The following KRABD4 variants were observed in gnomAD, a reference collection of about 807,000 sequenced individuals.
KRABD4 encodes KRAB domain-containing protein 4.
At chrX:46,461,873 G>A in the KRABD4 span, among the ~76,000 whole-genome samples, 2,271 of 110,929 alleles carry the variant, frequency 0.02, 58 homozygotes, top group African/African-American at 0.069. Context: ...TGGACCACCC[G>A]GACCCCTTCC....
the KRABD4 span, chrX:46,448,499 C>T: frequency 8.8e-6 from 1 of 113,272 alleles, no homozygotes; most frequent in African/African-American, 3.2e-5. Flanking sequence ...AAAGGAGGCT[C>T]ACAGGATAGC....
the KRABD4 span, among the ~76,000 whole-genome samples, chrX:46,470,820 T>C: frequency 9.0e-6 from 1 of 111,317 alleles, no homozygotes; most frequent in Admixed American, 9.7e-5. Context: ...TATTTGGGGT[T>C]TTCCAAGTAT....
the KRABD4 span, among the ~76,000 whole-genome samples, chrX:46,451,985 C>T: frequency 8.9e-6 from 1 of 111,902 alleles, no homozygotes; most frequent in African/African-American, 3.3e-5. Flanking sequence ...TGGCTCTATC[C>T]CCCAGGCTGA....
chrX:46,473,339 A>T, the KRABD4 span: 31 of 1,172,526 alleles, frequency 2.6e-5, no homozygotes, highest in East Asian at 9.2e-5. Context: ...AAGCCCTATG[A>T]ATGCAGTGAA....
chrX:46,450,795 C>T, the KRABD4 span, among the ~76,000 whole-genome samples: 3 of 105,882 alleles, frequency 2.8e-5, no homozygotes, highest in Admixed American at 1.0e-4. Flanking sequence ...CTCCACCTTC[C>T]GGGTTCAAGC....
the KRABD4 span, chrX:46,473,648 A>G: frequency 2.3e-5 from 6 of 259,440 alleles, no homozygotes; most frequent in Admixed American, 3.1e-4. Flanking sequence ...GATGCAAATC[A>G]GTGAATCTTT....
the KRABD4 span, among the ~76,000 whole-genome samples, chrX:46,451,925 T>C: frequency 0.03 from 3,323 of 112,385 alleles, 111 homozygotes; most frequent in African/African-American, 0.1. Flanking sequence ...ACAAAAGCTT[T>C]GTTCAGCAAA....
At chrX:46,462,668 A>G in the KRABD4 span, 8 of 1,202,877 alleles carry the variant, frequency 6.7e-6, no homozygotes, top group Non-Finnish European at 9.0e-6. Flanking sequence ...GCACAGAGTA[A>G]GCCCTCCGTG....
the KRABD4 span, among the ~76,000 whole-genome samples, chrX:46,457,633 T>G: frequency 3.7e-5 from 4 of 108,432 alleles, no homozygotes; most frequent in African/African-American, 1.0e-4. Flanking sequence ...GTTTTTTTTT[T>G]TTTTTTTTTT....
the KRABD4 span, chrX:46,463,051 G>C: frequency 1.0e-6 from 1 of 975,235 alleles, no homozygotes; most frequent in Non-Finnish European, 1.4e-6. Flanking sequence ...GAGCATATTG[G>C]TGCCCTTGCT....
chrX:46,462,586 C>A, the KRABD4 span: 1 of 895,738 alleles, frequency 1.1e-6, no homozygotes, highest in Non-Finnish European at 1.6e-6. Context: ...TCATTCCTGG[C>A]TGTGTGACCT....
At chrX:46,456,890 G>GAAAGA in the KRABD4 span, 1 of 357,250 alleles carries the variant, frequency 2.8e-6, no homozygotes, top group Non-Finnish European at 4.7e-6. Flanking sequence ...TGTGAAGTAA[G>GAAAGA]TCATCTTTCT....
the KRABD4 span, among the ~76,000 whole-genome samples, chrX:46,464,134 A>C: frequency 9.0e-6 from 1 of 110,795 alleles, no homozygotes; most frequent in Non-Finnish European, 1.9e-5. Context: ...TCCTGCATAG[A>C]ACTGCTTTTT....
At chrX:46,455,197 T>A in the KRABD4 span, 1 of 1,088,303 alleles carries the variant, frequency 9.2e-7, no homozygotes, top group Non-Finnish European at 1.2e-6. Context: ...CCTTTCTGCC[T>A]CTGAAGCTTT....
the KRABD4 span, chrX:46,447,417 C>T: frequency 9.0e-6 from 1 of 111,202 alleles, no homozygotes; most frequent in Non-Finnish European, 1.9e-5. Flanking sequence ...GGTCATGGGG[C>T]CATGGGTGAA....
chrX:46,451,278 A>T, the KRABD4 span, among the ~76,000 whole-genome samples: 1 of 111,969 alleles, frequency 8.9e-6, no homozygotes, highest in South Asian at 3.8e-4. Flanking sequence ...GGTGGGGTAG[A>T]TGCATTTATG....
chrX:46,451,148 G>A, the KRABD4 span, among the ~76,000 whole-genome samples: 1 of 111,790 alleles, frequency 8.9e-6, no homozygotes, highest in African/African-American at 3.3e-5. Context: ...ATGATAATAA[G>A]TTTGTGCATA....
chrX:46,449,191 G>A, the KRABD4 span, among the ~76,000 whole-genome samples: 1 of 112,180 alleles, frequency 8.9e-6, no homozygotes, highest in Admixed American at 9.4e-5. Flanking sequence ...AGAAAATGAT[G>A]GGGTGGGAAC....
the KRABD4 span, chrX:46,455,521 C>A: frequency 2.3e-6 from 1 of 435,733 alleles, no homozygotes. Context: ...GAAATGGCCT[C>A]TTCCCAGCAA....
Sources: allele counts gnomAD v4.1 joint callset (sites outside exome capture counted in the v4.1 genomes callset), GRCh38; gene constraint gnomAD v4.1.1; transcripts MANE v1.5; gene names NCBI Gene and HGNC (gene_info 2026-07-23, HGNC 2026-07-21).